The following ERVW-1 variants were observed in gnomAD, a reference collection of about 807,000 sequenced individuals.
ERVW-1 encodes the protein endogenous retrovirus group W member 1, envelope, also known as syncytin-1.
A neutral mutation model predicts 16.6 loss-of-function variants in ERVW-1; 21 were observed. The observed-to-expected ratio is 1.26, with a 90% CI of 0.90 to 1.82. The LOEUF is 1.82. Ranked by LOEUF, ERVW-1 falls within the 40% of genes most tolerant of loss-of-function variation. ERVW-1 has a pLI of 0.00. For synonymous variants in ERVW-1, 161 were observed against 109.8 expected (o/e 1.47, Z -2.92); for missense variants, 412 against 300.2 (o/e 1.37, Z -2.75).
chr7:92,476,624 C>G (rs959113439), intron 1 of ERVW-1, among the ~76,000 whole-genome samples: 1 of 152,052 alleles, frequency 6.6e-6, no homozygotes, highest in Non-Finnish European at 1.5e-5. Flanking sequence ...TTGTCTCTCT[C>G]TCTCTTCTGT....
In ERVW-1 at chr7:92,470,064, C is replaced by A; in HGVS notation, c.318G>T (p.Trp106Cys). ...ACATACCAGTTTGGGTGAAGTAAGT[C>A]CAACAGACAGTGACTCCAAGTCCTC... Reference protein sequence around the residue: ...CPGGLGVTVCWTYFTQTGMSD... With the variant: ...CPGGLGVTVCCTYFTQTGMSD... The change falls in exon 2 of 2, where the codon TGG becomes TGT. Residue 106 changes from tryptophan (W) to cysteine (C), a missense_variant. Coordinates refer to ENST00000603053, the MANE Select transcript of ERVW-1 (RefSeq NM_001130925.2). The A allele has an allele frequency of 1.3e-6, 1 of 778,708 alleles. No individual in the cohort carries two copies. The highest frequency in any genetic ancestry group is 1.3e-5 in the South Asian group (1 of 74,524). The allele number at this position is 778,708 out of a possible 1,614,324, so 48.2% of individuals were successfully genotyped here. A position where few individuals can be genotyped will look rare whatever the true frequency, so the allele number is the denominator to read the frequency against.
At chr7:92,475,119 A>G (rs1790485795) in intron 1 of ERVW-1, 1 of 152,018 alleles carries the variant, frequency 6.6e-6, no homozygotes, top group African/African-American at 2.4e-5. Context: ...ACTTCACTCC[A>G]TTTGCCTTTT....
rs768785539 is a variant in ERVW-1 at position 92,468,996 on chromosome 7, G to C, written c.1386C>G (p.Leu462=). ...GGTTAAAGATACAGGGTCCAAAGAGGAGTAGCAATATTATAGCTGCTAGAG... is the reference window on the plus strand; with the variant it reads ...GGTTAAAGATACAGGGTCCAAAGAGCAGTAGCAATATTATAGCTGCTAGAG... ...LGPLAAIILL[L]LFGPCIFNLL... The change falls in exon 2 of 2, where the codon CTC becomes CTG. Residue 462 remains leucine (L), a synonymous_variant. Coordinates refer to ENST00000603053, the MANE Select transcript of ERVW-1 (RefSeq NM_001130925.2). 5.3e-6 allele frequency: 4 copies of C among 755,778 alleles called. No homozygotes were observed. The East Asian group carries it at 7.3e-5, about 14-fold the overall frequency. 46.8% of individuals were successfully genotyped at this position (755,778 alleles called of 1,614,324 possible).
chr7:92,473,291 T>C (rs1790418000), intron 1 of ERVW-1: 1 of 152,172 alleles, frequency 6.6e-6, no homozygotes, highest in East Asian at 1.9e-4. Flanking sequence ...TGGGTTTCTG[T>C]ACTCCTAAAA....
At position 92,477,425 on chromosome 7, in the gene ERVW-1, G is replaced by A. The variant is rs924882924; in HGVS notation, c.-271C>T. The A allele has an allele frequency of 3.3e-5, 5 of 152,304 alleles. No homozygotes were observed. The highest frequency in any genetic ancestry group is 5.9e-5 in the Non-Finnish European group (4 of 68,162). 9.4% of individuals were successfully genotyped at this position (152,304 alleles called of 1,614,324 possible). ...GTGGTTGCCAAAATGTTACCGGGGG[G>A]TCCTTGCTCACAGAGCTCCCAAGAT... On this transcript the variant is annotated 5_prime_UTR_variant, in exon 1 of 2. Transcript: ENST00000603053.
chr7:92,473,600 C>A (rs931618270), intron 1 of ERVW-1, among the ~76,000 whole-genome samples: 2 of 151,988 alleles, frequency 1.3e-5, no homozygotes, highest in Admixed American at 1.3e-4. Flanking sequence ...GAATGTCTCT[C>A]CCTAACAAGG....
intron 1 of ERVW-1, among the ~76,000 whole-genome samples, chr7:92,473,883 C>T (rs1479735162): frequency 6.6e-6 from 1 of 152,118 alleles, no homozygotes; most frequent in Non-Finnish European, 1.5e-5. Context: ...CAGGCACCCT[C>T]AGTCCTGCTG....
At chr7:92,475,317 A>G (rs1790493446) in intron 1 of ERVW-1, 2 of 152,172 alleles carry the variant, frequency 1.3e-5, no homozygotes, top group African/African-American at 4.8e-5. Context: ...CTGAAAAAAG[A>G]ACATAGGGAT....
At chr7:92,473,881 C>T (rs376823368) in intron 1 of ERVW-1, among the ~76,000 whole-genome samples, 11 of 152,114 alleles carry the variant, frequency 7.2e-5, no homozygotes, top group African/African-American at 2.4e-4. Context: ...CCCAGGCACC[C>T]TCAGTCCTGC....
chr7:92,473,697 G>A (rs1304941421), intron 1 of ERVW-1, among the ~76,000 whole-genome samples: 1 of 151,870 alleles, frequency 6.6e-6, no homozygotes, highest in Non-Finnish European at 1.5e-5. Flanking sequence ...GAAGTATCTA[G>A]TGACTGCCCG....
chr7:92,477,143 G>A (rs1016884420), intron 1 of ERVW-1, among the ~76,000 whole-genome samples: 3 of 152,090 alleles, frequency 2.0e-5, no homozygotes, highest in African/African-American at 7.2e-5. Context: ...GCCTCTAGTC[G>A]GCCCTCGGCT....
At chr7:92,475,857 G>C (rs113982446) in intron 1 of ERVW-1, among the ~76,000 whole-genome samples, 6,249 of 152,274 alleles carry the variant, frequency 0.041, 160 homozygotes, top group African/African-American at 0.055. Context: ...ATTACAGAGA[G>C]GGTGTAGCTA....
intron 1 of ERVW-1, among the ~76,000 whole-genome samples, chr7:92,476,240 C>T (rs1230754348): frequency 6.6e-6 from 1 of 152,172 alleles, no homozygotes; most frequent in East Asian, 1.9e-4. Flanking sequence ...AGTAAGCTAC[C>T]TTTTTGCTTT....
chr7:92,475,723 C>A (rs189332405), intron 1 of ERVW-1, among the ~76,000 whole-genome samples: 4 of 152,332 alleles, frequency 2.6e-5, no homozygotes, highest in African/African-American at 7.2e-5. Context: ...GGTCCTTTAC[C>A]AGCATGCCCA....
Position 92,468,803 on chromosome 7 carries a change from G to A in ERVW-1, c.1579C>T (p.Gln527Ter), listed in dbSNP as rs1164597551. ...GCTGAATTGGGGCGTAGTAGAGGTT[G>A]TGCAGCTGAGATTTCCTCAGGAGGG... is the stretch of plus-strand genomic sequence containing the variant. ...GTPPEEISAAQPLLRPNSAGS... is the reference protein window; with the variant it reads ...GTPPEEISAA The change falls in exon 2 of 2, where the codon CAA (glutamine) becomes TAA (stop). Residue 527 changes from glutamine (Q) to a stop codon, truncating the protein, a stop_gained. Transcript: ENST00000603053. LOFTEE classifies it high-confidence loss of function. 1 of 761,646 alleles carries A rather than the reference G, an allele frequency of 1.3e-6. No individual in the cohort carries two copies. Among genetic ancestry groups the A allele is most frequent in the Non-Finnish European group, 2.4e-6 (1 of 416,370 alleles). The allele number at this position is 761,646 out of a possible 1,614,324, so 47.2% of individuals were successfully genotyped here.
chr7:92,476,088 G>T (rs10236814), intron 1 of ERVW-1, among the ~76,000 whole-genome samples: 20,086 of 152,146 alleles, frequency 0.13, 1,373 homozygotes, highest in African/African-American at 0.17. Context: ...AGGGAGTTCC[G>T]CCTAGGTCTG....
At chr7:92,471,038 G>A (rs903251933) in intron 1 of ERVW-1, 15 of 167,048 alleles carry the variant, frequency 9.0e-5, no homozygotes, top group Non-Finnish European at 1.8e-4. Context: ...GGGTTACTGT[G>A]GCCTGGAAAG....
Position 92,469,107 on chromosome 7 carries a change from T to C in ERVW-1, c.1275A>G (p.Ile425Met). The change falls in exon 2 of 2, where the codon ATA becomes ATG. Residue 425 changes from isoleucine to methionine, a missense_variant. By Grantham distance (10) the Ile-to-Met change is conservative. Coordinates refer to ENST00000603053, the MANE Select transcript of ERVW-1 (RefSeq NM_001130925.2). ...TEKVKEIRDR[I>M]QRRAEELRNT... Reference sequence around the variant, plus strand: ...TTCGAAGCTCCTCTGCTCTACGTTGTATTCGATCTCGAATTTCTTTAACTT... The same window carrying C: ...TTCGAAGCTCCTCTGCTCTACGTTGCATTCGATCTCGAATTTCTTTAACTT... 1 of 702,336 alleles carries C rather than the reference T, an allele frequency of 1.4e-6. No homozygotes were observed. The highest frequency in any genetic ancestry group is 2.6e-6 in the Non-Finnish European group (1 of 385,430). The allele number at this position is 702,336 out of a possible 1,614,324, so 43.5% of individuals were successfully genotyped here. A position where few individuals can be genotyped will look rare whatever the true frequency, so the allele number is the denominator to read the frequency against.
intron 1 of ERVW-1, among the ~76,000 whole-genome samples, chr7:92,474,329 CTT>C: frequency 6.6e-6 from 1 of 152,148 alleles, no homozygotes; most frequent in Non-Finnish European, 1.5e-5. Flanking sequence ...ATTAGTTGGC[CTT>C]CAGAAGAGTC....
Sources: allele counts gnomAD v4.1 joint callset (sites outside exome capture counted in the v4.1 genomes callset), GRCh38; gene constraint gnomAD v4.1.1; transcripts MANE v1.5; gene names NCBI Gene and HGNC (gene_info 2026-07-23, HGNC 2026-07-21).